ATOSA: variants seen among roughly 807,000 people sequenced by gnomAD.
ATOSA encodes the protein atos homolog protein A.
At chr15:52,675,813 G>T in the ATOSA span, among the ~76,000 whole-genome samples, 4 of 152,132 alleles carry the variant, frequency 2.6e-5, no homozygotes, top group African/African-American at 4.8e-5. Context: ...GGCTGAGGCA[G>T]GAGAATGGCG....
chr15:52,621,894 G>A, the ATOSA span, among the ~76,000 whole-genome samples: 1 of 150,442 alleles, frequency 6.6e-6, no homozygotes, highest in Non-Finnish European at 1.5e-5. Context: ...CTATCGCTCA[G>A]GCTGCAGTGC....
the ATOSA span, among the ~76,000 whole-genome samples, chr15:52,694,765 T>G: frequency 9.9e-5 from 15 of 151,956 alleles, no homozygotes; most frequent in African/African-American, 3.6e-4. Context: ...GTTTGTGATA[T>G]ACATAGAATC....
the ATOSA span, among the ~76,000 whole-genome samples, chr15:52,691,189 T>A: frequency 6.6e-6 from 1 of 152,180 alleles, no homozygotes; most frequent in East Asian, 1.9e-4. Flanking sequence ...ATTAAGAGAC[T>A]AAAAATGCTC....
At chr15:52,598,612 A>G in the ATOSA span, 1 of 152,234 alleles carries the variant, frequency 6.6e-6, no homozygotes, top group African/African-American at 2.4e-5. Flanking sequence ...TTCATTATAA[A>G]TAAGACCTAT....
the ATOSA span, chr15:52,613,530 C>T: frequency 1.0e-6 from 1 of 971,720 alleles, no homozygotes; most frequent in Non-Finnish European, 1.5e-6. Context: ...TAGCTATGGT[C>T]CAGGATTTGG....
chr15:52,659,860 T>C, the ATOSA span, among the ~76,000 whole-genome samples: 1 of 151,676 alleles, frequency 6.6e-6, no homozygotes, highest in Non-Finnish European at 1.5e-5. Context: ...AAAATATATA[T>C]TAAAAAAATA....
At chr15:52,602,290 C>CT in the ATOSA span, among the ~76,000 whole-genome samples, 3 of 152,144 alleles carry the variant, frequency 2.0e-5, no homozygotes, top group African/African-American at 7.2e-5. Context: ...AATCCACATT[C>CT]TTTCATCTAA....
chr15:52,687,748 G>T, the ATOSA span, among the ~76,000 whole-genome samples: 3 of 151,942 alleles, frequency 2.0e-5, no homozygotes, highest in African/African-American at 7.2e-5. Flanking sequence ...GTTTGTTTTT[G>T]TTTTTTGCCG....
chr15:52,613,935 T>A, the ATOSA span: 1 of 1,061,144 alleles, frequency 9.4e-7, no homozygotes, highest in Non-Finnish European at 1.4e-6. Context: ...CTAAAATAAC[T>A]AATGTCACAT....
At chr15:52,621,049 G>A in the ATOSA span, among the ~76,000 whole-genome samples, 69 of 152,308 alleles carry the variant, frequency 4.5e-4, 1 homozygote, top group African/African-American at 1.3e-3. Context: ...AACAGGACAA[G>A]TACACCTGGC....
At chr15:52,703,111 G>A in the ATOSA span, among the ~76,000 whole-genome samples, 2 of 152,066 alleles carry the variant, frequency 1.3e-5, no homozygotes, top group Admixed American at 1.3e-4. Flanking sequence ...TAACAATGTG[G>A]GTGAATCTCA....
the ATOSA span, among the ~76,000 whole-genome samples, chr15:52,607,210 G>C: frequency 1.3e-5 from 2 of 152,202 alleles, no homozygotes; most frequent in South Asian, 4.1e-4. Flanking sequence ...CAGGTGTTTT[G>C]ACCAGTAACT....
chr15:52,687,949 CTGT>C, the ATOSA span, among the ~76,000 whole-genome samples: 1 of 152,316 alleles, frequency 6.6e-6, no homozygotes, highest in African/African-American at 2.4e-5. Context: ...CCTATTTCCT[CTGT>C]TGTTGTCTCT....
At chr15:52,611,249 A>C in the ATOSA span, 1 of 1,611,752 alleles carries the variant, frequency 6.2e-7, no homozygotes, top group East Asian at 2.2e-5. Context: ...TAAATCGGTC[A>C]CCATTCCTAA....
the ATOSA span, among the ~76,000 whole-genome samples, chr15:52,659,523 G>C: frequency 6.6e-6 from 1 of 152,132 alleles, no homozygotes. Context: ...CAAAATCCAA[G>C]TGTTTTGTAC....
the ATOSA span, among the ~76,000 whole-genome samples, chr15:52,690,637 T>C: frequency 4.6e-5 from 7 of 152,326 alleles, no homozygotes; most frequent in East Asian, 1.3e-3. Flanking sequence ...AGTATAGTAC[T>C]GTAACAAGAT....
chr15:52,701,088 T>C, the ATOSA span, among the ~76,000 whole-genome samples: 2 of 152,178 alleles, frequency 1.3e-5, no homozygotes, highest in African/African-American at 4.8e-5. Context: ...TATCACATAA[T>C]TAAAATATAC....
chr15:52,696,932 G>A, the ATOSA span, among the ~76,000 whole-genome samples: 1 of 151,836 alleles, frequency 6.6e-6, no homozygotes, highest in Non-Finnish European at 1.5e-5. Context: ...GGGGTTCAAG[G>A]CCAGAAAAGA....
the ATOSA span, chr15:52,651,958 T>C: frequency 1.3e-6 from 2 of 1,534,846 alleles, no homozygotes; most frequent in Non-Finnish European, 1.7e-6. Flanking sequence ...ATAGCTATAC[T>C]ATCAGTAACT....
Sources: allele counts gnomAD v4.1 joint callset (sites outside exome capture counted in the v4.1 genomes callset), GRCh38; gene constraint gnomAD v4.1.1; transcripts MANE v1.5; gene names NCBI Gene and HGNC (gene_info 2026-07-23, HGNC 2026-07-21).